The following SLC30A2 variants were observed in gnomAD, a reference collection of about 807,000 sequenced individuals.
The protein encoded by SLC30A2 is proton-coupled zinc antiporter SLC30A2.
Under a neutral mutation model 39.6 loss-of-function variants are expected in SLC30A2, and 19 were observed. The ratio of observed to expected loss-of-function variants is 0.48; its 90% confidence interval spans 0.34 to 0.70. The LOEUF (loss-of-function observed/expected upper bound fraction) is 0.70, where lower values mean the gene tolerates loss of function less well. Ranked by LOEUF, SLC30A2 falls within the 30% of genes least tolerant of loss-of-function variation. The probability of loss-of-function intolerance (pLI) is 0.01; values close to 1 mark genes in which losing one functional copy is unlikely to be tolerated. For missense variants in SLC30A2, 387 were observed against 479.4 expected (o/e 0.81, Z 1.80); for synonymous variants, 195 against 194.8 (o/e 1.00, Z -0.01).
intron 4 of SLC30A2, 108 bp downstream of exon 4, chr1:26,043,290 T>A (rs2050420688): frequency 8.3e-7 from 1 of 1,200,614 alleles, no homozygotes; most frequent in Non-Finnish European, 1.2e-6. Flanking sequence ...TCTGTCCCTG[T>A]AGCGTATGCT....
intron 6 of SLC30A2, among the ~76,000 whole-genome samples, chr1:26,040,669 A>T (rs1204519881): frequency 6.6e-6 from 1 of 152,190 alleles, no homozygotes; most frequent in Non-Finnish European, 1.5e-5. Flanking sequence ...ATATTCTTGG[A>T]GAAAAAGCTC....
chr1:26,041,671 CA>C, intron 6 of SLC30A2, 28 bp downstream of exon 6: 1 of 1,379,462 alleles, frequency 7.2e-7, no homozygotes, highest in Non-Finnish European at 1.0e-6. Flanking sequence ...GAGCCAAGAG[CA>C]AAAAGGGAGC....
At chr1:26,042,946 G>A (rs1403983393) in intron 4 of SLC30A2, among the ~76,000 whole-genome samples, 1 of 152,222 alleles carries the variant, frequency 6.6e-6, no homozygotes, top group African/African-American at 2.4e-5. Context: ...CTCAGAGCAG[G>A]AGGGCATTAG....
rs138246170 is a variant in SLC30A2 at position 26,041,739 on chromosome 1, A to G, written c.799T>C (p.Leu267=). The stretch of plus-strand genomic sequence containing the variant: ...AGGATCACATCTCTCAGGATGGTCA[A>G]GGTTGTCCCCAGGACCAGGATGGAG... ...VFSILVLGTT[L]TILRDVILVL... Residue 267 remains leucine (L), a synonymous_variant, in exon 6 of 8, where the codon TTG becomes CTG. Coordinates refer to ENST00000374276, the MANE Select transcript of SLC30A2 (RefSeq NM_001004434.3). 32 of 1,613,590 alleles carry G rather than the reference A, an allele frequency of 2.0e-5. No individual in the cohort carries two copies. The highest frequency in any genetic ancestry group is 2.7e-5 in the Non-Finnish European group (32 of 1,179,446).
chr1:26,041,850 C>G, intron 5 of SLC30A2, 45 bp from the exon 6 acceptor site: 1 of 1,128,958 alleles, frequency 8.9e-7, no homozygotes. Context: ...CCATCTAACA[C>G]CTCAGCTTCC....
chr1:26,041,338 C>A (rs1251081798), intron 6 of SLC30A2, among the ~76,000 whole-genome samples: 1 of 152,144 alleles, frequency 6.6e-6, no homozygotes, highest in Non-Finnish European at 1.5e-5. Flanking sequence ...TCCTCACCCC[C>A]TCTCTCTTCC....
Position 26,046,093 on chromosome 1 carries a change from T to A in SLC30A2, c.-197A>T. Reference sequence around the variant, plus strand: ...CTGCAGCTCCGGCTCTGGCTCCGCGTGCCAAGCGCTCCCGTGTCTCGGGTC... The same window carrying A: ...CTGCAGCTCCGGCTCTGGCTCCGCGAGCCAAGCGCTCCCGTGTCTCGGGTC... On this transcript the variant is annotated 5_prime_UTR_variant, in exon 1 of 8. Coordinates refer to ENST00000374276, the MANE Select transcript of SLC30A2 (RefSeq NM_001004434.3). The surrounding 1 kb of genome is among the most constrained non-coding windows in gnomAD (Gnocchi z 4.4). The A allele has an allele frequency of 3.8e-6, 5 of 1,307,414 alleles. No individual in the cohort carries two copies. The highest frequency in any genetic ancestry group is 4.8e-6 in the Non-Finnish European group (5 of 1,034,236). 81.0% of individuals were successfully genotyped at this position (1,307,414 alleles called of 1,614,324 possible). A position where few individuals can be genotyped will look rare whatever the true frequency, so the allele number is the denominator to read the frequency against.
In SLC30A2 at chr1:26,045,798, G is replaced by A. The variant is rs1287126245; in HGVS notation, c.50+49C>T. The A allele has an allele frequency of 5.6e-6, 9 of 1,613,044 alleles. No individual in the cohort carries two copies. In the South Asian group the frequency reaches 9.9e-5, roughly 18 times the overall value. On this transcript the variant is annotated intron_variant, in intron 1 of 7. Coordinates refer to ENST00000374276, the MANE Select transcript of SLC30A2 (RefSeq NM_001004434.3). ...CTGCTAGGATGGCAAATGCGGAGGT[G>A]CGTCGGCTGCCGCCAAAATTCCCGC...
At chr1:26,043,614 C>G in intron 3 of SLC30A2, 63 bp from the exon 4 acceptor site, 8 of 1,534,932 alleles carry the variant, frequency 5.2e-6, no homozygotes, top group Non-Finnish European at 7.1e-6. Flanking sequence ...GAGTCTTCCC[C>G]CTTCCTTCAG....
rs2050373745 is a variant in SLC30A2, at chr1:26,039,385, C to T, written c.974-80G>A. ...CATCAGGAGCCCAAATCTCATACCC[C>T]ATCCCCAGCAGAACAGGATGGGGGA... On this transcript the variant is annotated intron_variant, in intron 7 of 7. Coordinates refer to ENST00000374276, the MANE Select transcript of SLC30A2 (RefSeq NM_001004434.3). The surrounding 1 kb of genome is among the most constrained non-coding windows in gnomAD (Gnocchi z 4.3). 8 of 1,066,662 alleles carry T rather than the reference C, an allele frequency of 7.5e-6. No homozygotes were observed. The Admixed American group carries it at 1.0e-4, about 13-fold the overall frequency. The allele number at this position is 1,066,662 out of a possible 1,614,324, so 66.1% of individuals were successfully genotyped here.
At chr1:26,045,380 T>C in intron 1 of SLC30A2, 163 bp from the exon 2 acceptor site, 1 of 636,998 alleles carries the variant, frequency 1.6e-6, no homozygotes, top group Non-Finnish European at 2.7e-6. Flanking sequence ...CAGACGGGGA[T>C]GATAGGGGAA....
Position 26,038,192 on chromosome 1 carries a change from G to T in SLC30A2, c.*968C>A, listed in dbSNP as rs1055293562. Reference sequence around the variant, plus strand: ...TGATAACTGGGCATGTTGTCTCGATGAGTCGGGGACAGGTTTCCCCTCTTG... The same window carrying T: ...TGATAACTGGGCATGTTGTCTCGATTAGTCGGGGACAGGTTTCCCCTCTTG... On this transcript the variant is annotated 3_prime_UTR_variant, in exon 8 of 8. Transcript: ENST00000374276. The T allele has an allele frequency of 1.3e-5, 2 of 152,240 alleles. No homozygotes were observed. Among genetic ancestry groups the T allele is most frequent in the African/African-American group, 4.8e-5 (2 of 41,448 alleles). The allele number at this position is 152,240 out of a possible 1,614,324, so 9.4% of individuals were successfully genotyped here.
intron 6 of SLC30A2, among the ~76,000 whole-genome samples, chr1:26,040,963 G>A (rs2050390119): frequency 6.6e-6 from 1 of 151,704 alleles, no homozygotes. Flanking sequence ...CAGACATGGT[G>A]GCATGCGCCT....
In SLC30A2 at chr1:26,039,000, G is replaced by A. The variant is rs2050369034; in HGVS notation, c.*160C>T. On this transcript the variant is annotated 3_prime_UTR_variant, in exon 8 of 8. Coordinates refer to ENST00000374276, the MANE Select transcript of SLC30A2 (RefSeq NM_001004434.3). ...CCACCCTGGCTGTAGTCAGATGGGA[G>A]GCTGGGAAGAGCTCCATTCCTGGAG... 15 of 1,405,246 alleles carry A rather than the reference G, an allele frequency of 1.1e-5. No individual in the cohort carries two copies. The highest frequency in any genetic ancestry group is 1.3e-5 in the Non-Finnish European group (14 of 1,077,710). 87.0% of individuals were successfully genotyped at this position (1,405,246 alleles called of 1,614,324 possible).
rs202003978 is a variant in SLC30A2 at position 26,041,758 on chromosome 1, G to T, written c.780C>A (p.Ile260=). The T allele has an allele frequency of 5.6e-5, 91 of 1,613,840 alleles. No individual in the cohort carries two copies. The highest frequency in any genetic ancestry group is 7.3e-5 in the Non-Finnish European group (86 of 1,179,796). ...VDPICTFVFS[I]LVLGTTLTIL... ...TGGTCAAGGTTGTCCCCAGGACCAGGATGGAGAAGACGAAGGTGCAGATGG... is the reference window on the plus strand; with the variant it reads ...TGGTCAAGGTTGTCCCCAGGACCAGTATGGAGAAGACGAAGGTGCAGATGG... The change falls in exon 6 of 8, where the codon ATC becomes ATA. Residue 260 remains isoleucine, a synonymous_variant. Transcript: ENST00000374276.
intron 2 of SLC30A2, among the ~76,000 whole-genome samples, 185 bp downstream of exon 2, chr1:26,044,805 CATCTGTA>C: frequency 6.6e-6 from 1 of 152,220 alleles, no homozygotes; most frequent in East Asian, 1.9e-4. Context: ...TCAGTTTCAT[CATCTGTA>C]AAGTAAGGAG....
Position 26,038,410 on chromosome 1 carries a change from ACT to A in SLC30A2, c.*748_*749del, listed in dbSNP as rs1250460959. The A allele has an allele frequency of 6.6e-6, 1 of 151,896 alleles. No individual in the cohort carries two copies. The highest frequency in any genetic ancestry group is 2.4e-5 in the African/African-American group (1 of 41,324). The allele number at this position is 151,896 out of a possible 1,614,324, so 9.4% of individuals were successfully genotyped here. On this transcript the variant is annotated 3_prime_UTR_variant, in exon 8 of 8. Transcript: ENST00000374276. The stretch of plus-strand genomic sequence containing the variant: ...TTGGCCCAGCCATATCTTTCTGGAG[ACT>A]CTGAATCCCCTGGGACACTCTCAGG...
rs1241950175 is a variant in SLC30A2, at chr1:26,037,653, C to T, written c.*1507G>A. The T allele has an allele frequency of 6.6e-6, 1 of 152,134 alleles. No individual in the cohort carries two copies. Among genetic ancestry groups the T allele is most frequent in the Admixed American group, 6.6e-5 (1 of 15,248 alleles). The allele number at this position is 152,134 out of a possible 1,614,324, so 9.4% of individuals were successfully genotyped here. ...GAGTTGGGTAGGGGAGGTTGAGTCC[C>T]CTGAGATTGTGGTGGAATGGAGCAC... On this transcript the variant is annotated 3_prime_UTR_variant, in exon 8 of 8. Coordinates refer to ENST00000374276, the MANE Select transcript of SLC30A2 (RefSeq NM_001004434.3).
chr1:26,045,167 G>A lies in SLC30A2; in HGVS notation c.101C>T (p.Pro34Leu). The change falls in exon 2 of 8, where the codon CCC (proline) becomes CTC (leucine). Residue 34 changes from proline (P) to leucine (L), a missense_variant. Pro to Leu is a moderately conservative substitution (Grantham distance 98). Coordinates refer to ENST00000374276, the MANE Select transcript of SLC30A2 (RefSeq NM_001004434.3). ...WQEGAGWIPL[P>L]RPGLDLQAIE... ...GGCCTGCAAGTCCAGGCCAGGTCGG[G>A]GCAGAGGAATCCAGCCAGCCCCTTC... The A allele has an allele frequency of 6.2e-7, 1 of 1,613,226 alleles. No individual in the cohort carries two copies. The highest frequency in any genetic ancestry group is 1.7e-5 in the Admixed American group (1 of 60,032).
Sources: allele counts gnomAD v4.1 joint callset (sites outside exome capture counted in the v4.1 genomes callset), GRCh38; gene constraint gnomAD v4.1.1; non-coding constraint Gnocchi (gnomAD v3.1); transcripts MANE v1.5; gene names NCBI Gene and HGNC (gene_info 2026-07-23, HGNC 2026-07-21).